Variants in SNTG1 observed in about 807,000 individuals in gnomAD.
SNTG1 encodes the protein syntrophin gamma 1.
In SNTG1, 39 loss-of-function variants were observed where a neutral mutation model predicts 74.7. That is an observed-to-expected ratio of 0.52 (90% CI 0.40 to 0.68). The LOEUF (loss-of-function observed/expected upper bound fraction) is 0.68, where lower values mean the gene tolerates loss of function less well. SNTG1 is among the 30% of genes least tolerant of loss of function. The pLI is 0.00. For synonymous variants in SNTG1, 254 were observed against 217.1 expected (o/e 1.17, Z -1.49); for missense variants, 685 against 609.5 (o/e 1.12, Z -1.30).
At chr8:50,383,115 T>G (rs904360269) in intron 2 of SNTG1, among the ~76,000 whole-genome samples, 1 of 152,312 alleles carries the variant, frequency 6.6e-6, no homozygotes, top group South Asian at 2.1e-4. Flanking sequence ...CATAACCTAT[T>G]CAAGTTGACA....
intron 18 of SNTG1, among the ~76,000 whole-genome samples, chr8:50,754,223 C>T (rs1316172602): frequency 6.6e-6 from 1 of 151,800 alleles, no homozygotes; most frequent in African/African-American, 2.4e-5. Context: ...CAAATTGCAC[C>T]ATAGAATAGA....
intron 1 of SNTG1, among the ~76,000 whole-genome samples, chr8:50,133,758 G>A (rs1293428512): frequency 6.6e-6 from 1 of 152,086 alleles, no homozygotes; most frequent in Non-Finnish European, 1.5e-5. Context: ...AGTCATGTTG[G>A]ATTCAGGGCC....
At chr8:50,548,907 G>T (rs1290434350) in intron 11 of SNTG1, among the ~76,000 whole-genome samples, 4 of 152,178 alleles carry the variant, frequency 2.6e-5, no homozygotes, top group African/African-American at 9.7e-5. Context: ...AGCCTGAGGT[G>T]TGCAGAATAT....
intron 8 of SNTG1, among the ~76,000 whole-genome samples, chr8:50,489,151 C>T (rs973896688): frequency 6.6e-6 from 1 of 152,172 alleles, no homozygotes; most frequent in Non-Finnish European, 1.5e-5. Context: ...TGTATATGTG[C>T]CACATTTTCT....
At chr8:49,968,157 G>C (rs1811322650) in intron 1 of SNTG1, among the ~76,000 whole-genome samples, 1 of 152,118 alleles carries the variant, frequency 6.6e-6, no homozygotes, top group South Asian at 2.1e-4. Flanking sequence ...TTTGGGCAGA[G>C]CAGAAGGAAA....
At chr8:50,439,612 T>C (rs917318174) in intron 5 of SNTG1, among the ~76,000 whole-genome samples, 1 of 151,968 alleles carries the variant, frequency 6.6e-6, no homozygotes, top group African/African-American at 2.4e-5. Context: ...AACTTTATCT[T>C]ATCACCAACT....
intron 1 of SNTG1, among the ~76,000 whole-genome samples, chr8:50,039,471 A>C (rs932221045): frequency 2.7e-5 from 4 of 150,878 alleles, no homozygotes; most frequent in South Asian, 4.2e-4. Flanking sequence ...AAAAAAAAAA[A>C]AAAAAAAAAA....
At chr8:50,359,076 A>G (rs553353245) in intron 2 of SNTG1, among the ~76,000 whole-genome samples, 1 of 152,292 alleles carries the variant, frequency 6.6e-6, no homozygotes, top group South Asian at 2.1e-4. Context: ...GCCTTCCAGA[A>G]CCAGAATATT....
intron 12 of SNTG1, among the ~76,000 whole-genome samples, chr8:50,589,917 C>G (rs1187704165): frequency 1.3e-5 from 2 of 152,124 alleles, no homozygotes; most frequent in Admixed American, 6.5e-5. Context: ...CTGTACCTAA[C>G]CTTGCTCAGA....
chr8:50,609,607 A>G (rs547620948), intron 13 of SNTG1, among the ~76,000 whole-genome samples: 19 of 150,556 alleles, frequency 1.3e-4, no homozygotes, highest in Admixed American at 3.3e-4. Context: ...ATTTCTTTGA[A>G]TAATAATGTT....
intron 1 of SNTG1, among the ~76,000 whole-genome samples, chr8:49,916,125 T>C (rs1806005691): frequency 6.6e-6 from 1 of 152,128 alleles, no homozygotes; most frequent in Admixed American, 6.5e-5. Flanking sequence ...ATTATATAAT[T>C]GCACCAGCGA....
intron 2 of SNTG1, among the ~76,000 whole-genome samples, chr8:50,217,621 T>C (rs2084857439): frequency 7.1e-6 from 1 of 140,920 alleles, no homozygotes; most frequent in Non-Finnish European, 1.5e-5. Context: ...ACTTATGATA[T>C]TAAAAACCTA....
chr8:50,467,744 A>T (rs1032272989), intron 8 of SNTG1, among the ~76,000 whole-genome samples: 23 of 151,786 alleles, frequency 1.5e-4, no homozygotes, highest in Admixed American at 1.3e-4. Context: ...ATTGATTTTA[A>T]CCTTCTTTAC....
chr8:49,982,168 T>C (rs1478408061), intron 1 of SNTG1, among the ~76,000 whole-genome samples: 1 of 152,168 alleles, frequency 6.6e-6, no homozygotes, highest in Non-Finnish European at 1.5e-5. Context: ...AAAGTACATC[T>C]ATGCCCTGGA....
intron 1 of SNTG1, among the ~76,000 whole-genome samples, chr8:50,152,402 T>C (rs2082100745): frequency 6.6e-6 from 1 of 152,198 alleles, no homozygotes; most frequent in South Asian, 2.1e-4. Context: ...ATTTAGCCCA[T>C]TTACATTTAA....
At chr8:50,616,179 C>T (rs1294858427) in intron 13 of SNTG1, among the ~76,000 whole-genome samples, 7 of 152,198 alleles carry the variant, frequency 4.6e-5, no homozygotes, top group East Asian at 1.9e-4. Flanking sequence ...ATCTGCTCTA[C>T]GGTTTGACCA....
chr8:50,791,405 G>C lies in SNTG1; in HGVS notation c.1396-1266G>C, dbSNP rs531476394. ...CAAAGGAAACTATCAAATATTGAAGGTTTCAAGGGAGCTACTGAGAAAGCA... is the reference window on the plus strand; with the variant it reads ...CAAAGGAAACTATCAAATATTGAAGCTTTCAAGGGAGCTACTGAGAAAGCA... On this transcript the variant is annotated intron_variant, in intron 18 of 18. Coordinates refer to ENST00000642720, the MANE Select transcript of SNTG1 (RefSeq NM_018967.5). Among the ~76,000 whole-genome samples the C allele has an allele frequency of 2.0e-5, 3 of 151,888 alleles. No homozygotes were observed. The South Asian group carries it at 6.2e-4, about 32-fold the overall frequency.
intron 13 of SNTG1, among the ~76,000 whole-genome samples, 173 bp from the exon 14 acceptor site, chr8:50,656,736 A>G (rs935998099): frequency 6.6e-6 from 1 of 152,144 alleles, no homozygotes; most frequent in African/African-American, 2.4e-5. Context: ...ACTGAAGCCA[A>G]ATCTGGTTTA....
intron 8 of SNTG1, among the ~76,000 whole-genome samples, chr8:50,489,607 C>T (rs1157119241): frequency 6.6e-6 from 1 of 152,188 alleles, no homozygotes; most frequent in Non-Finnish European, 1.5e-5. Flanking sequence ...CCTTTGCCCA[C>T]TTTTTGATGG....
Sources: gnomAD v4.1 joint callset for allele counts (sites outside exome capture counted in the v4.1 genomes callset) on GRCh38, gnomAD v4.1.1 for gene constraint, MANE v1.5 for transcripts, NCBI Gene and HGNC (gene_info 2026-07-23, HGNC 2026-07-21) for gene names.